The following EPB41L2 variants were observed in gnomAD, a reference collection of about 807,000 sequenced individuals.
EPB41L2 encodes the protein band 4.1-like protein 2.
In EPB41L2, 43 loss-of-function variants were observed where a neutral mutation model predicts 113.0. That is an observed-to-expected ratio of 0.38 (90% CI 0.30 to 0.49). The LOEUF (loss-of-function observed/expected upper bound fraction) is 0.49, where lower values mean the gene tolerates loss of function less well. EPB41L2 is among the 20% of genes least tolerant of loss of function. The pLI is 0.95. For synonymous variants in EPB41L2, 442 were observed against 436.7 expected, an observed-to-expected ratio of 1.01 and a Z score of -0.15; for missense variants, 1,147 against 1,223.4, an observed-to-expected ratio of 0.94 and a Z score of 0.93.
rs1775078473 is a variant in EPB41L2 at position 130,840,305 on chromosome 6, C to T, written c.*299G>A. 6.6e-6 allele frequency: 1 copy of T among 152,368 alleles called. No homozygotes were observed. The highest frequency in any genetic ancestry group is 6.6e-5 in the Admixed American group (1 of 15,252). The allele number at this position is 152,368 out of a possible 1,614,324, so 9.4% of individuals were successfully genotyped here. A position where few individuals can be genotyped will look rare whatever the true frequency, so the allele number is the denominator to read the frequency against. ...GTCATTAAAAGCAGGTAGTTGCACA[C>T]AAAGTAAACAGAAAACAAAACCAAA... On this transcript the variant is annotated 3_prime_UTR_variant, in exon 20 of 20. Transcript: ENST00000337057.
chr6:130,976,271 A>G (rs1265208996), intron 1 of EPB41L2, among the ~76,000 whole-genome samples: 1 of 152,164 alleles, frequency 6.6e-6, no homozygotes. Context: ...CAGAAAAACT[A>G]ATTTTTTTCA....
intron 1 of EPB41L2, among the ~76,000 whole-genome samples, chr6:131,013,166 T>C (rs1049580599): frequency 6.6e-6 from 1 of 152,034 alleles, no homozygotes; most frequent in Non-Finnish European, 1.5e-5. Flanking sequence ...TGTAAACATG[T>C]TTTTACTACA....
At chr6:130,862,621 C>T (rs1033160179) in intron 18 of EPB41L2, among the ~76,000 whole-genome samples, 3 of 152,168 alleles carry the variant, frequency 2.0e-5, no homozygotes, top group African/African-American at 7.2e-5. Flanking sequence ...AATCCAGAGT[C>T]AAGGCAACCT....
At chr6:131,008,646 T>C (rs1365422671) in intron 1 of EPB41L2, among the ~76,000 whole-genome samples, 1 of 152,014 alleles carries the variant, frequency 6.6e-6, no homozygotes, top group African/African-American at 2.4e-5. Flanking sequence ...CAGCCGGGAG[T>C]GGGGCTGTAC....
At chr6:130,945,320 G>A (rs1378271593) in intron 3 of EPB41L2, among the ~76,000 whole-genome samples, 3 of 152,114 alleles carry the variant, frequency 2.0e-5, no homozygotes, top group African/African-American at 4.8e-5. Context: ...TTGGATTTCC[G>A]AGACCCGAAC....
intron 1 of EPB41L2, among the ~76,000 whole-genome samples, chr6:131,030,798 G>A (rs1791996872): frequency 1.3e-5 from 2 of 152,074 alleles, no homozygotes; most frequent in South Asian, 4.1e-4. Context: ...GAGAGGCAGG[G>A]CATGGTGTGT....
chr6:130,904,651 A>G (rs1327439439), intron 5 of EPB41L2, 111 bp from the exon 6 acceptor site: 1 of 458,304 alleles, frequency 2.2e-6, no homozygotes, highest in East Asian at 3.5e-5. Flanking sequence ...ACTATAAATC[A>G]GCATGCAGAA....
intron 6 of EPB41L2, among the ~76,000 whole-genome samples, chr6:130,903,324 T>C (rs1454290265): frequency 6.6e-6 from 1 of 151,878 alleles, no homozygotes; most frequent in African/African-American, 2.4e-5. Flanking sequence ...CAAAAGCTAC[T>C]ATTTATTATT....
chr6:131,034,855 A>C (rs1165578271), intron 1 of EPB41L2, among the ~76,000 whole-genome samples: 1 of 152,232 alleles, frequency 6.6e-6, no homozygotes, highest in African/African-American at 2.4e-5. Context: ...GGGTTAGTTC[A>C]AAAGAACAAA....
At chr6:130,979,515 G>GAAAAAAAAAAAAA (rs1778902783) in intron 1 of EPB41L2, among the ~76,000 whole-genome samples, 1 of 139,696 alleles carries the variant, frequency 7.2e-6, no homozygotes. Context: ...AAAAAAAAAG[G>GAAAAAAAAAAAAA]AAACTGGTTA....
Position 131,054,070 on chromosome 6 carries a change from G to A in EPB41L2, c.-15+9085C>T, listed in dbSNP as rs574738703. On this transcript the variant is annotated intron_variant, in intron 1 of 19. Coordinates refer to ENST00000337057, the MANE Select transcript of EPB41L2 (RefSeq NM_001431.4). ...GGTTGATGTCAGTGTGACTCCGGTC[G>A]GTCCTCATTCCATCTTCGCATTCAG... Among the ~76,000 whole-genome samples the A allele has an allele frequency of 7.0e-4, 107 of 152,252 alleles. 1 individual carries two copies. The South Asian group carries it at 8.7e-3, about 12-fold the overall frequency.
chr6:130,973,187 CTTT>C (rs1455281050), intron 1 of EPB41L2, among the ~76,000 whole-genome samples: 2 of 152,062 alleles, frequency 1.3e-5, no homozygotes, highest in Admixed American at 1.3e-4. Context: ...CACTTTTTCA[CTTT>C]TTTAAAAATT....
intron 1 of EPB41L2, among the ~76,000 whole-genome samples, chr6:130,975,771 C>T (rs543281530): frequency 6.6e-6 from 1 of 152,308 alleles, no homozygotes; most frequent in Middle Eastern, 3.4e-3. Flanking sequence ...CGCCTGTAAT[C>T]CCAGCACTTT....
intron 17 of EPB41L2, among the ~76,000 whole-genome samples, chr6:130,865,261 A>G (rs1209703249): frequency 6.6e-6 from 1 of 152,242 alleles, no homozygotes; most frequent in African/African-American, 2.4e-5. Context: ...TATAAATTAT[A>G]AATTTTATTA....
At chr6:130,994,399 G>A (rs1452129987) in intron 1 of EPB41L2, among the ~76,000 whole-genome samples, 2 of 152,128 alleles carry the variant, frequency 1.3e-5, no homozygotes, top group Non-Finnish European at 2.9e-5. Context: ...CAACAGGAGA[G>A]GGCAGGGCAG....
chr6:131,034,382 C>T (rs184363490), intron 1 of EPB41L2, among the ~76,000 whole-genome samples: 8 of 152,248 alleles, frequency 5.3e-5, no homozygotes, highest in Admixed American at 4.6e-4. Context: ...CCAAGGCAAG[C>T]ACATTGCCTG....
intron 1 of EPB41L2, among the ~76,000 whole-genome samples, chr6:130,963,412 T>TGA (rs776628572): frequency 2.3e-4 from 35 of 152,322 alleles, no homozygotes; most frequent in Admixed American, 9.1e-4. Flanking sequence ...ACCTAATACT[T>TGA]GAGTTAATAT....
rs1161619158 is a variant in EPB41L2 at position 130,848,099 on chromosome 6, GA to G, written c.*6-7502del. 3.3e-5 allele frequency among the ~76,000 whole-genome samples: 5 copies of G among 151,844 alleles called. No homozygotes were observed. The East Asian group carries it at 7.7e-4, about 23-fold the overall frequency. On this transcript the variant is annotated intron_variant, in intron 19 of 19. Coordinates refer to ENST00000337057, the MANE Select transcript of EPB41L2 (RefSeq NM_001431.4). ...TCACTTTTTATCTGAGGGAACATGG[GA>G]AAAAAATCACTTTTCCTCAAAGTTA... is the stretch of plus-strand genomic sequence containing the variant.
chr6:131,041,179 T>C (rs367893738), intron 1 of EPB41L2, among the ~76,000 whole-genome samples: 16 of 152,302 alleles, frequency 1.1e-4, no homozygotes, highest in African/African-American at 3.8e-4. Flanking sequence ...ACTGATATAA[T>C]AGTGTGCTGG....
Sources: allele counts gnomAD v4.1 joint callset (sites outside exome capture counted in the v4.1 genomes callset), GRCh38; gene constraint gnomAD v4.1.1; transcripts MANE v1.5; gene names NCBI Gene and HGNC (gene_info 2026-07-23, HGNC 2026-07-21).